Variants in DYRK4 observed in about 807,000 individuals in gnomAD.
DYRK4 encodes dual specificity tyrosine-phosphorylation-regulated kinase 4.
A neutral mutation model predicts 68.3 loss-of-function variants in DYRK4; 64 were observed. That is an observed-to-expected ratio of 0.94 (90% CI 0.77 to 1.15). The LOEUF (loss-of-function observed/expected upper bound fraction) is 1.15. Among genes scored for constraint, DYRK4 ranks in the 50% most tolerant of loss-of-function variants. The pLI is 0.00. For missense variants in DYRK4, 740 were observed against 764.7 expected (o/e 0.97, Z 0.38); for synonymous variants, 274 against 289.9 (o/e 0.95, Z 0.56).
At chr12:4,604,866 AG>A (rs754468228) in intron 10 of DYRK4, 47 bp from the exon 11 acceptor site, 49 of 1,516,448 alleles carry the variant, frequency 3.2e-5, no homozygotes, top group Non-Finnish European at 4.2e-5. Flanking sequence ...AGCGTTCTGG[AG>A]GGTAAGAAGT....
rs979183277 is a variant in DYRK4 at position 4,588,921 on chromosome 12, C to G, written c.133-16C>G. On this transcript the variant is annotated splice_polypyrimidine_tract_variant and intron_variant, in intron 2 of 14. Transcript: ENST00000543431. Reference sequence around the variant, plus strand: ...CCATGCCAAGCATTGTTCCTATTTTCTTCCACTTGATCCAGGTTGGAAGTA... The same window carrying G: ...CCATGCCAAGCATTGTTCCTATTTTGTTCCACTTGATCCAGGTTGGAAGTA... The G allele has an allele frequency of 1.3e-6, 2 of 1,535,472 alleles. No homozygotes were observed. Among genetic ancestry groups the G allele is most frequent in the East Asian group, 2.4e-5 (1 of 40,916 alleles).
intron 11 of DYRK4, 112 bp from the exon 12 acceptor site, chr12:4,607,215 G>A: frequency 8.3e-7 from 1 of 1,211,462 alleles, no homozygotes; most frequent in Non-Finnish European, 1.2e-6. Context: ...ATTACTTAAT[G>A]CTTTGAATCC....
At chr12:4,590,864 T>G in intron 4 of DYRK4, 1 of 445,734 alleles carries the variant, frequency 2.2e-6, no homozygotes, top group Non-Finnish European at 3.9e-6. Context: ...GGAGCTCACC[T>G]TCTTAAGAGC....
intron 13 of DYRK4, 43 bp from the exon 14 acceptor site, chr12:4,612,495 TAAAAG>T (rs1162878652): frequency 3.2e-6 from 5 of 1,553,824 alleles, no homozygotes; most frequent in Non-Finnish European, 3.5e-6. Context: ...TTTAATATAT[TAAAAG>T]GAAATAAAAC....
At chr12:4,573,497 C>G in intron 2 of DYRK4, 1 of 826,350 alleles carries the variant, frequency 1.2e-6, no homozygotes, top group Non-Finnish European at 1.7e-6. Context: ...GGGGGCATGT[C>G]TCTGAGTACA....
chr12:4,569,799 G>A (rs931572923), intron 2 of DYRK4, among the ~76,000 whole-genome samples: 3 of 152,006 alleles, frequency 2.0e-5, no homozygotes, highest in African/African-American at 7.3e-5. Flanking sequence ...ACGCCTCTCT[G>A]TTGCATGAGG....
intron 2 of DYRK4, among the ~76,000 whole-genome samples, chr12:4,581,946 A>C (rs956927865): frequency 6.6e-6 from 1 of 152,152 alleles, no homozygotes; most frequent in Non-Finnish European, 1.5e-5. Context: ...CTAAACACAA[A>C]ATTCATTTAT....
intron 12 of DYRK4, among the ~76,000 whole-genome samples, chr12:4,609,626 A>G (rs1945194616): frequency 6.6e-6 from 1 of 152,184 alleles, no homozygotes; most frequent in East Asian, 1.9e-4. Flanking sequence ...TGAGGGCCAG[A>G]GTGAGAAAAA....
intron 10 of DYRK4, among the ~76,000 whole-genome samples, chr12:4,600,473 C>T (rs1945068978): frequency 6.6e-6 from 1 of 150,802 alleles, no homozygotes. Flanking sequence ...TAGAGATATA[C>T]ACAGGCTGTG....
At position 4,612,526 on chromosome 12, in the gene DYRK4, G is replaced by A; in HGVS notation, c.1491-17G>A. On this transcript the variant is annotated splice_polypyrimidine_tract_variant and intron_variant, in intron 13 of 14. Transcript: ENST00000543431. Reference sequence around the variant, plus strand: ...GAAATAAAACAATAACCCATGTGGGGCTTTGTTGGGGTGCAGATGGGAACC... The same window carrying A: ...GAAATAAAACAATAACCCATGTGGGACTTTGTTGGGGTGCAGATGGGAACC... 1 of 1,608,518 alleles carries A rather than the reference G, an allele frequency of 6.2e-7. No homozygotes were observed. Among genetic ancestry groups the A allele is most frequent in the Non-Finnish European group, 8.5e-7 (1 of 1,176,330 alleles).
intron 11 of DYRK4, among the ~76,000 whole-genome samples, chr12:4,605,742 T>G (rs946273271): frequency 4.2e-5 from 6 of 144,336 alleles, no homozygotes; most frequent in African/African-American, 1.4e-4. Context: ...TTTTTTTTTT[T>G]TTTTTTTTTT....
At chr12:4,602,207 C>G (rs1007798901) in intron 10 of DYRK4, 18 of 906,220 alleles carry the variant, frequency 2.0e-5, no homozygotes, top group Non-Finnish European at 2.7e-5. Context: ...CTGTTCATGT[C>G]TTCAATCTGC....
intron 2 of DYRK4, among the ~76,000 whole-genome samples, chr12:4,580,036 G>A (rs1416650140): frequency 6.6e-6 from 1 of 152,212 alleles, no homozygotes; most frequent in Non-Finnish European, 1.5e-5. Flanking sequence ...TCTGTAAAAT[G>A]AGGGCATTAT....
Position 4,613,052 on chromosome 12 carries a change from A to G in DYRK4, c.1666+334A>G, listed in dbSNP as rs1379404671. On this transcript the variant is annotated intron_variant, in intron 14 of 14. Coordinates refer to ENST00000543431, the MANE Select transcript of DYRK4 (RefSeq NM_001394779.1). This position sits in a 1 kb window ranked among gnomAD's most constrained non-coding sequence, Gnocchi z 4.0. ...ATTTTCCATTTTTCTCCTATAATCA[A>G]TTTCCTTTCTCCTCCTCCCTTTTTC... Among the ~76,000 whole-genome samples, 2 of 152,062 alleles carry G rather than the reference A, an allele frequency of 1.3e-5. No individual in the cohort carries two copies. Among genetic ancestry groups the G allele is most frequent in the South Asian group, 4.2e-4 (2 of 4,816 alleles).
At chr12:4,612,521 G>T (rs1945234024) in intron 13 of DYRK4, 22 bp from the exon 14 acceptor site, 2 of 1,606,506 alleles carry the variant, frequency 1.2e-6, no homozygotes, top group East Asian at 2.2e-5. Flanking sequence ...AATAACCCAT[G>T]TGGGGCTTTG....
At position 4,579,172 on chromosome 12, in the gene DYRK4, G is replaced by A. The variant is rs184763758; in HGVS notation, c.133-9765G>A. ...CCCTGTAGTCCCAGCTACTTGAGAG[G>A]CTGAGGCAGGAGAATCATTTGAACC... On this transcript the variant is annotated intron_variant, in intron 2 of 14. Coordinates refer to ENST00000543431, the MANE Select transcript of DYRK4 (RefSeq NM_001394779.1). Among the ~76,000 whole-genome samples, 36 of 152,210 alleles carry A rather than the reference G, an allele frequency of 2.4e-4. 1 individual carries two copies. In the South Asian group the frequency reaches 6.6e-3, roughly 28 times the overall value.
chr12:4,586,733 G>GACAC (rs1565536109), intron 2 of DYRK4, among the ~76,000 whole-genome samples: 1 of 74,012 alleles, frequency 1.4e-5, no homozygotes, highest in African/African-American at 6.6e-5. Flanking sequence ...CACACACACA[G>GACAC]ACACACACAC....
At chr12:4,575,457 T>A (rs1220945851) in intron 2 of DYRK4, among the ~76,000 whole-genome samples, 1 of 152,072 alleles carries the variant, frequency 6.6e-6, no homozygotes, top group African/African-American at 2.4e-5. Context: ...TACAGATGCA[T>A]GCCGCCACTA....
intron 1 of DYRK4, among the ~76,000 whole-genome samples, chr12:4,567,053 A>T (rs1489857837): frequency 6.6e-6 from 1 of 152,246 alleles, no homozygotes; most frequent in African/African-American, 2.4e-5. Context: ...TTCATAAAAC[A>T]TATGTGTGCC....
Sources: allele counts gnomAD v4.1 joint callset (sites outside exome capture counted in the v4.1 genomes callset), GRCh38; gene constraint gnomAD v4.1.1; non-coding constraint Gnocchi (gnomAD v3.1); transcripts MANE v1.5; gene names NCBI Gene and HGNC (gene_info 2026-07-23, HGNC 2026-07-21).